PCDHGB5: variants seen among roughly 807,000 people sequenced by gnomAD.
PCDHGB5 encodes the protein protocadherin gamma subfamily B, 5.
A neutral mutation model predicts 62.9 loss-of-function variants in PCDHGB5; 48 were observed. That is an observed-to-expected ratio of 0.76 (90% CI 0.61 to 0.97). PCDHGB5 has a LOEUF of 0.97. PCDHGB5 is among the 50% of genes least tolerant of loss of function. PCDHGB5 has a pLI of 0.00. For synonymous variants in PCDHGB5, 474 were observed against 511.2 expected (o/e 0.93, Z 0.98); for missense variants, 1,118 against 1,198.6 (o/e 0.93, Z 0.99).
At chr5:141,405,359 GAC>G in intron 1 of PCDHGB5, 1 of 1,614,018 alleles carries the variant, frequency 6.2e-7, no homozygotes, top group Admixed American at 1.7e-5. Context: ...TCCTATAGAA[GAC>G]ACCCCTTTGG....
chr5:141,478,553 T>C, intron 1 of PCDHGB5: 1 of 1,602,704 alleles, frequency 6.2e-7, no homozygotes. Context: ...ACAGGTAAGG[T>C]TTAGCAAGTC....
intron 1 of PCDHGB5, among the ~76,000 whole-genome samples, chr5:141,453,643 T>G (rs1267570786): frequency 2.6e-5 from 4 of 152,240 alleles, no homozygotes; most frequent in Non-Finnish European, 5.9e-5. Flanking sequence ...TATATTTTCT[T>G]ATGTCCTCTT....
At chr5:141,403,972 A>G in intron 1 of PCDHGB5, 1 of 1,613,968 alleles carries the variant, frequency 6.2e-7, no homozygotes, top group East Asian at 2.2e-5. Flanking sequence ...TGGAAGATGT[A>G]AATGACAATA....
At chr5:141,499,189 C>T (rs1406015145) in intron 2 of PCDHGB5, among the ~76,000 whole-genome samples, 3 of 152,088 alleles carry the variant, frequency 2.0e-5, no homozygotes, top group African/African-American at 7.2e-5. Flanking sequence ...AAACCATTTC[C>T]CCCTTCTTAG....
Position 141,491,248 on chromosome 5 carries a change from G to T in PCDHGB5, c.2398-3559G>T, listed in dbSNP as rs757712577. On this transcript the variant is annotated intron_variant, in intron 1 of 3. Transcript: ENST00000617380. The surrounding 1 kb of genome is among the most constrained non-coding windows in gnomAD (Gnocchi z 6.9). ...AGTGCTGCTGGTTCTGGAGGATGAG[G>T]ACCCTGAGGAAATGCCCAAATCCAG... 3 of 1,614,170 alleles carry T rather than the reference G, an allele frequency of 1.9e-6. No individual in the cohort carries two copies. Among genetic ancestry groups the T allele is most frequent in the Non-Finnish European group, 2.5e-6 (3 of 1,180,018 alleles).
Position 141,422,436 on chromosome 5 carries a change from C to T in PCDHGB5, c.2397+21912C>T, listed in dbSNP as rs200737047. The T allele has an allele frequency of 1.2e-5, 20 of 1,609,634 alleles. No homozygotes were observed. The East Asian group carries it at 4.0e-4, about 32-fold the overall frequency. On this transcript the variant is annotated intron_variant, in intron 1 of 3. Coordinates refer to ENST00000617380, the MANE Select transcript of PCDHGB5 (RefSeq NM_018925.3). The stretch of plus-strand genomic sequence containing the variant: ...TAGAAAAGACTTATGGAAATTATTA[C>T]AAATTGATAACAAGCAGAGTGCTGG...
intron 1 of PCDHGB5, among the ~76,000 whole-genome samples, chr5:141,425,585 A>G (rs1270579511): frequency 6.6e-6 from 1 of 152,252 alleles, no homozygotes; most frequent in African/African-American, 2.4e-5. Flanking sequence ...GGCTAACTTT[A>G]TTCTGAATAT....
chr5:141,408,661 G>A (rs1462103250), intron 1 of PCDHGB5: 1 of 1,613,770 alleles, frequency 6.2e-7, no homozygotes, highest in Non-Finnish European at 8.5e-7. Context: ...CACGACTATC[G>A]CTTGACCCTG....
chr5:141,404,392 T>A, intron 1 of PCDHGB5: 1 of 1,613,938 alleles, frequency 6.2e-7, no homozygotes, highest in Non-Finnish European at 8.5e-7. Context: ...ATGACCCTGA[T>A]AGCAATGAGA....
chr5:141,399,902 C>T lies in PCDHGB5; in HGVS notation c.1775C>T (p.Ala592Val). The change falls in exon 1 of 4, where the codon GCA becomes GTA. Residue 592 changes from alanine to valine, a missense_variant. Ala to Val is a moderately conservative substitution (Grantham distance 64). Around this residue, in one of 2 missense-constraint regions of PCDHGB5, gnomAD observed 1,034 missense variants for 1,029.1 expected, o/e 1.00. Transcript: ENST00000617380. ...YLVTKVVAVDADSGHNAWLSY... is the reference protein window; with the variant it reads ...YLVTKVVAVDVDSGHNAWLSY... ...GTGACCAAGGTAGTGGCCGTGGACG[C>T]AGACTCAGGACACAACGCCTGGCTG... is the stretch of plus-strand genomic sequence containing the variant. 1.9e-6 allele frequency: 3 copies of T among 1,612,490 alleles called. No homozygotes were observed. Among genetic ancestry groups the T allele is most frequent in the Non-Finnish European group, 8.5e-7 (1 of 1,179,786 alleles).
intron 2 of PCDHGB5, among the ~76,000 whole-genome samples, chr5:141,496,078 CCCCACCCACCA>C (rs1204698458): frequency 6.6e-6 from 1 of 152,016 alleles, no homozygotes; most frequent in Non-Finnish European, 1.5e-5. Context: ...ACACACAACC[CCCCACCCACCA>C]CCCACCAACA....
chr5:141,422,959 C>T, intron 1 of PCDHGB5: 5 of 1,614,234 alleles, frequency 3.1e-6, no homozygotes, highest in African/African-American at 1.3e-5. Flanking sequence ...TGGCGTGGAG[C>T]TGGCGCCCCG....
chr5:141,478,358 C>G, intron 1 of PCDHGB5: 1 of 1,613,738 alleles, frequency 6.2e-7, no homozygotes, highest in South Asian at 1.1e-5. Flanking sequence ...GGACGCCGTG[C>G]GGGGAGGCCT....
intron 1 of PCDHGB5, chr5:141,422,371 C>A: frequency 6.4e-7 from 1 of 1,567,208 alleles, no homozygotes; most frequent in South Asian, 1.2e-5. Context: ...AGAAAATGGT[C>A]AAGTCTCCTG....
In PCDHGB5 at chr5:141,427,684, C is replaced by T. The variant is rs765112627; in HGVS notation, c.2397+27160C>T. 3.6e-6 allele frequency: 3 copies of T among 841,720 alleles called. No individual in the cohort carries two copies. In the Admixed American group the frequency reaches 5.8e-5, roughly 16 times the overall value. 52.1% of individuals were successfully genotyped at this position (841,720 alleles called of 1,614,324 possible). A position where few individuals can be genotyped will look rare whatever the true frequency, so the allele number is the denominator to read the frequency against. On this transcript the variant is annotated intron_variant, in intron 1 of 3. Transcript: ENST00000617380. The stretch of plus-strand genomic sequence containing the variant: ...GTGGCCGAAAACAACCTTCCCGGAG[C>T]CTCCATCCCACAAGTCAGCGCCTCT...
At chr5:141,418,672 G>A (rs1170411469) in intron 1 of PCDHGB5, 3 of 1,614,022 alleles carry the variant, frequency 1.9e-6, no homozygotes, top group Non-Finnish European at 2.5e-6. Context: ...ACCAGGACGA[G>A]GGCATCAACT....
At chr5:141,403,746 C>T (rs773668506) in intron 1 of PCDHGB5, 1 of 1,613,904 alleles carries the variant, frequency 6.2e-7, no homozygotes, top group South Asian at 1.1e-5. Context: ...CTTACTGCAA[C>T]AGCCAGCGAC....
At chr5:141,421,461 G>C (rs1216014695) in intron 1 of PCDHGB5, 2 of 1,614,034 alleles carry the variant, frequency 1.2e-6, no homozygotes, top group Non-Finnish European at 8.5e-7. Context: ...TTTTCGCTGT[G>C]AATCCGCGAA....
At chr5:141,404,861 G>A in intron 1 of PCDHGB5, 1 of 1,613,848 alleles carries the variant, frequency 6.2e-7, no homozygotes, top group Non-Finnish European at 8.5e-7. Context: ...AGATAGAGAT[G>A]CGCTCAAACA....
Sources: allele counts gnomAD v4.1 joint callset (sites outside exome capture counted in the v4.1 genomes callset), GRCh38; gene constraint gnomAD v4.1.1; regional missense constraint gnomAD v4.1.1; non-coding constraint Gnocchi (gnomAD v3.1); transcripts MANE v1.5; gene names NCBI Gene and HGNC (gene_info 2026-07-23, HGNC 2026-07-21).